The following MIPOL1 variants were observed in gnomAD, a reference collection of about 807,000 sequenced individuals.
The protein encoded by MIPOL1 is mirror-image polydactyly 1.
In MIPOL1, 57 loss-of-function variants were observed where a neutral mutation model predicts 60.9. The observed-to-expected ratio is 0.94, with a 90% CI of 0.76 to 1.17. The LOEUF is 1.17. MIPOL1 is among the 50% of genes most tolerant of loss of function. MIPOL1 has a pLI of 0.00. For synonymous variants in MIPOL1, 179 were observed against 168.8 expected (o/e 1.06, Z -0.47); for missense variants, 551 against 511.6 (o/e 1.08, Z -0.74).
At chr14:37,491,039 T>A (rs2095040386) in intron 11 of MIPOL1, among the ~76,000 whole-genome samples, 2 of 152,210 alleles carry the variant, frequency 1.3e-5, no homozygotes, top group Non-Finnish European at 2.9e-5. Context: ...TATATTTATG[T>A]GTTATATGAC....
intron 12 of MIPOL1, among the ~76,000 whole-genome samples, chr14:37,523,258 T>C (rs543323560): frequency 6.6e-6 from 1 of 152,262 alleles, no homozygotes; most frequent in South Asian, 2.1e-4. Context: ...AACTTAGCTT[T>C]GATACTGTTT....
At position 37,486,157 on chromosome 14, in the gene MIPOL1, T is replaced by G. The variant is rs150599572; in HGVS notation, c.1032-13751T>G. Among the ~76,000 whole-genome samples the G allele has an allele frequency of 9.6e-3, 1,455 of 152,290 alleles. 27 individuals carry two copies. Among genetic ancestry groups the G allele is most frequent in the African/African-American group, 0.033 (1,376 of 41,552 alleles). ...AGATGGTTGTAAATGTGTGGTGTTA[T>G]TTCTGAGGCCTCTGTTTGTTCTGTT... is the stretch of plus-strand genomic sequence containing the variant. On this transcript the variant is annotated intron_variant, in intron 11 of 12. Coordinates refer to ENST00000684589, the MANE Select transcript of MIPOL1 (RefSeq NM_001388067.1).
At chr14:37,487,734 C>A (rs1425416753) in intron 11 of MIPOL1, among the ~76,000 whole-genome samples, 1 of 151,946 alleles carries the variant, frequency 6.6e-6, no homozygotes, top group African/African-American at 2.4e-5. Context: ...CTTTTTTCTT[C>A]TTTATTAGTC....
intron 6 of MIPOL1, among the ~76,000 whole-genome samples, chr14:37,274,323 A>T (rs1314993517): frequency 6.6e-6 from 1 of 151,412 alleles, no homozygotes; most frequent in African/African-American, 2.4e-5. Flanking sequence ...TGATAGTTTG[A>T]AACTCAGCTC....
At chr14:37,393,792 C>T (rs2093308123) in intron 10 of MIPOL1, among the ~76,000 whole-genome samples, 1 of 150,390 alleles carries the variant, frequency 6.6e-6, no homozygotes, top group African/African-American at 2.4e-5. Flanking sequence ...TTTGGTGCAC[C>T]CATCACCTGA....
At chr14:37,297,481 A>AG (rs1047991196) in intron 7 of MIPOL1, among the ~76,000 whole-genome samples, 26 of 152,304 alleles carry the variant, frequency 1.7e-4, no homozygotes, top group African/African-American at 6.3e-4. Flanking sequence ...AAGGAAATAA[A>AG]GGGCATTGAA....
chr14:37,427,287 C>T (rs1279393790), intron 11 of MIPOL1, among the ~76,000 whole-genome samples: 11 of 152,102 alleles, frequency 7.2e-5, no homozygotes, highest in African/African-American at 2.7e-4. Flanking sequence ...AACCTAAAGA[C>T]ATTATGCTAA....
At chr14:37,388,486 GTTTTTTTT>G (rs77450180) in intron 10 of MIPOL1, among the ~76,000 whole-genome samples, 1 of 124,598 alleles carries the variant, frequency 8.0e-6, no homozygotes, top group Admixed American at 8.0e-5. Flanking sequence ...TTTTTTTTGT[GTTTTTTTT>G]TTTTTTTTAC....
chr14:37,493,022 A>G (rs1186753326), intron 11 of MIPOL1, among the ~76,000 whole-genome samples: 1 of 152,224 alleles, frequency 6.6e-6, no homozygotes, highest in Non-Finnish European at 1.5e-5. Flanking sequence ...ATTAAAATAA[A>G]TAGCATATAT....
Position 37,547,866 on chromosome 14 carries a change from A to G in MIPOL1, c.*895A>G, listed in dbSNP as rs935656406. ...GTGGAGGAGGAGGATCTAATATATA[A>G]TATTCAATACAATTGTAATGTAGAA... is the stretch of plus-strand genomic sequence containing the variant. On this transcript the variant is annotated 3_prime_UTR_variant, in exon 13 of 13. Transcript: ENST00000684589. The G allele has an allele frequency of 2.0e-5, 3 of 152,024 alleles. No homozygotes were observed. Among genetic ancestry groups the G allele is most frequent in the Admixed American group, 6.6e-5 (1 of 15,254 alleles). 9.4% of individuals were successfully genotyped at this position (152,024 alleles called of 1,614,324 possible).
In MIPOL1 at chr14:37,547,890, A is replaced by C. The variant is rs960896470; in HGVS notation, c.*919A>C. The C allele has an allele frequency of 1.3e-5, 2 of 152,054 alleles. No homozygotes were observed. The highest frequency in any genetic ancestry group is 4.8e-5 in the African/African-American group (2 of 41,448). 9.4% of individuals were successfully genotyped at this position (152,054 alleles called of 1,614,324 possible). ...AATATTCAATACAATTGTAATGTAG[A>C]AATATAAGAATTTAGAAAAAAGTAA... On this transcript the variant is annotated 3_prime_UTR_variant, in exon 13 of 13. Coordinates refer to ENST00000684589, the MANE Select transcript of MIPOL1 (RefSeq NM_001388067.1).
At chr14:37,206,389 C>T (rs8003476) in intron 1 of MIPOL1, among the ~76,000 whole-genome samples, 11,120 of 152,162 alleles carry the variant, frequency 0.073, 1,353 homozygotes, top group African/African-American at 0.25. Flanking sequence ...TGCAAATCTT[C>T]GCCTAGATTT....
At chr14:37,302,402 T>G (rs2086373080) in intron 7 of MIPOL1, among the ~76,000 whole-genome samples, 1 of 151,672 alleles carries the variant, frequency 6.6e-6, no homozygotes, top group South Asian at 2.1e-4. Context: ...TTCATCTGCA[T>G]ATCTTCTTTG....
chr14:37,342,617 C>T (rs1415104935), intron 9 of MIPOL1, among the ~76,000 whole-genome samples: 1 of 151,854 alleles, frequency 6.6e-6, no homozygotes, highest in Non-Finnish European at 1.5e-5. Flanking sequence ...AGGCTGGTCT[C>T]GAACTCCTGA....
At chr14:37,313,888 A>G (rs11156941) in intron 9 of MIPOL1, among the ~76,000 whole-genome samples, 143,529 of 152,204 alleles carry the variant, frequency 0.94, 68,057 homozygotes, top group East Asian at 1. Flanking sequence ...CACTGTTTCT[A>G]CTTTTCAGGT....
At chr14:37,484,337 CTT>C (rs71449995) in intron 11 of MIPOL1, among the ~76,000 whole-genome samples, 3 of 116,420 alleles carry the variant, frequency 2.6e-5, no homozygotes, top group Non-Finnish European at 3.4e-5. Context: ...AATGTTAGAT[CTT>C]TTTTTTTTTT....
intron 10 of MIPOL1, among the ~76,000 whole-genome samples, chr14:37,386,512 C>T (rs941003206): frequency 2.6e-5 from 4 of 151,704 alleles, no homozygotes; most frequent in African/African-American, 9.7e-5. Flanking sequence ...GTAGTTGAAA[C>T]CCTTTTGAGA....
chr14:37,215,715 A>ACCTGTTAGATTAACAGTTG (rs1421756667), intron 1 of MIPOL1, among the ~76,000 whole-genome samples: 1 of 152,152 alleles, frequency 6.6e-6, no homozygotes, highest in Non-Finnish European at 1.5e-5. Context: ...AAAAAACAAG[A>ACCTGTTAGATTAACAGTTG]CCTGTTAATC....
At chr14:37,536,295 G>A (rs757773122) in intron 12 of MIPOL1, among the ~76,000 whole-genome samples, 2 of 152,146 alleles carry the variant, frequency 1.3e-5, no homozygotes, top group Non-Finnish European at 2.9e-5. Context: ...AGAGGGACGT[G>A]TAAGGGGCAA....
Sources: allele counts gnomAD v4.1 joint callset (sites outside exome capture counted in the v4.1 genomes callset), GRCh38; gene constraint gnomAD v4.1.1; transcripts MANE v1.5; gene names NCBI Gene and HGNC (gene_info 2026-07-23, HGNC 2026-07-21).